BMERB1: variants seen among roughly 807,000 people sequenced by gnomAD.
The protein encoded by BMERB1 is bMERB domain containing 1, also known as bMERB domain-containing protein 1.
Under a neutral mutation model 23.6 loss-of-function variants are expected in BMERB1, and 12 were observed. That is an observed-to-expected ratio of 0.51 (90% CI 0.33 to 0.82). BMERB1 has a LOEUF of 0.82. Among genes scored for constraint, BMERB1 ranks in the 40% least tolerant of loss-of-function variants. The pLI, the probability that BMERB1 is intolerant of heterozygous loss-of-function variation, is 0.03. For synonymous variants in BMERB1, 122 were observed against 96.6 expected, an observed-to-expected ratio of 1.26 and a Z score of -1.54; for missense variants, 247 against 255.4, an observed-to-expected ratio of 0.97 and a Z score of 0.22.
chr16:15,444,123 G>GTTGTTTTTTTTTTTTTTTTTT (rs2050966446), intron 1 of BMERB1, among the ~76,000 whole-genome samples: 1 of 35,610 alleles, frequency 2.8e-5, no homozygotes, highest in Admixed American at 4.9e-4. Context: ...CACCAGCTTT[G>GTTGTTTTTTTTTTTTTTTTTT]TTTTTTTTTT....
chr16:15,577,132 A>G (rs893542824), intron 3 of BMERB1: 4 of 152,104 alleles, frequency 2.6e-5, no homozygotes, highest in Non-Finnish European at 4.4e-5. Flanking sequence ...TACTGTACAC[A>G]TGGCTGGCAA....
chr16:15,564,096 C>G (rs2030501464), intron 2 of BMERB1, among the ~76,000 whole-genome samples: 1 of 152,202 alleles, frequency 6.6e-6, no homozygotes, highest in South Asian at 2.1e-4. Flanking sequence ...ATGAATGTAG[C>G]CAGCCTGAGG....
chr16:15,477,389 A>G (rs2051283467), intron 1 of BMERB1, among the ~76,000 whole-genome samples: 1 of 152,114 alleles, frequency 6.6e-6, no homozygotes. Context: ...GGATTATGGG[A>G]ATTACAATTC....
At chr16:15,498,638 G>GAGGA (rs1299915179) in intron 1 of BMERB1, among the ~76,000 whole-genome samples, 3 of 151,252 alleles carry the variant, frequency 2.0e-5, no homozygotes, top group South Asian at 2.1e-4. Context: ...AAGGAAGAAA[G>GAGGA]AGGAAGGAAG....
rs747156942 is a variant in BMERB1 at position 15,586,830 on chromosome 16, C to T, written c.*1C>T. ...GGCCACCCAGTGCAACATCATGTAG[C>T]CCCCACGTGGGGTGCCCTGGGCCAT... On this transcript the variant is annotated 3_prime_UTR_variant, in exon 6 of 6. Coordinates refer to ENST00000300006, the MANE Select transcript of BMERB1 (RefSeq NM_033201.3). 3.1e-6 allele frequency: 5 copies of T among 1,594,192 alleles called. No individual in the cohort carries two copies. The South Asian group carries it at 4.5e-5, about 14-fold the overall frequency.
At chr16:15,495,618 G>C (rs755493491) in intron 1 of BMERB1, among the ~76,000 whole-genome samples, 30 of 152,132 alleles carry the variant, frequency 2.0e-4, no homozygotes, top group African/African-American at 7.0e-4. Flanking sequence ...TGCCCACCTC[G>C]GCCTCCCGAA....
In BMERB1 at chr16:15,587,007, G is replaced by A; in HGVS notation, c.*178G>A. 1.7e-6 allele frequency: 1 copy of A among 577,938 alleles called. No homozygotes were observed. The allele number at this position is 577,938 out of a possible 1,614,324, so 35.8% of individuals were successfully genotyped here. ...GCCTGGCCACCCTGTACAGAGTGTA[G>A]CAGTAGGGAGTCTCTCACCGTCGCA... On this transcript the variant is annotated 3_prime_UTR_variant, in exon 6 of 6. Coordinates refer to ENST00000300006, the MANE Select transcript of BMERB1 (RefSeq NM_033201.3).
At chr16:15,500,759 C>T (rs955081714) in intron 1 of BMERB1, among the ~76,000 whole-genome samples, 1 of 152,206 alleles carries the variant, frequency 6.6e-6, no homozygotes, top group Non-Finnish European at 1.5e-5. Flanking sequence ...TCACGTGATC[C>T]TTGTGCCTCA....
intron 1 of BMERB1, among the ~76,000 whole-genome samples, chr16:15,476,808 A>T (rs943209515): frequency 6.6e-6 from 1 of 151,996 alleles, no homozygotes; most frequent in South Asian, 2.1e-4. Flanking sequence ...TGGGTGGGGG[A>T]TACAGGATCA....
intron 2 of BMERB1, among the ~76,000 whole-genome samples, chr16:15,533,418 T>C (rs868068802): frequency 6.7e-6 from 1 of 150,324 alleles, no homozygotes; most frequent in Non-Finnish European, 1.5e-5. Context: ...TTTCCTGAGA[T>C]AGAGTCTATT....
In BMERB1 at chr16:15,480,506, C is replaced by T. The variant is rs556988664; in HGVS notation, c.107-34799C>T. 2.6e-5 allele frequency among the ~76,000 whole-genome samples: 4 copies of T among 152,046 alleles called. No individual in the cohort carries two copies. The South Asian group carries it at 8.3e-4, about 32-fold the overall frequency. On this transcript the variant is annotated intron_variant, in intron 1 of 5. Transcript: ENST00000300006. ...TATCCCTACTAATTTGTAATATAAC[C>T]TCTTGCCATTAGTATGTTTCCATAT...
Position 15,441,858 on chromosome 16 carries a change from A to G in BMERB1, c.106+7099A>G, listed in dbSNP as rs560886402. 2.1e-4 allele frequency among the ~76,000 whole-genome samples: 32 copies of G among 152,260 alleles called. 1 individual carries two copies. The South Asian group carries it at 4.8e-3, about 23-fold the overall frequency. ...TTTAAAGGGTCATGTTGGGTACTAGATGGGGAATAAGTCCATAGCGGGGCA... is the reference window on the plus strand; with the variant it reads ...TTTAAAGGGTCATGTTGGGTACTAGGTGGGGAATAAGTCCATAGCGGGGCA... On this transcript the variant is annotated intron_variant, in intron 1 of 5. Coordinates refer to ENST00000300006, the MANE Select transcript of BMERB1 (RefSeq NM_033201.3).
At chr16:15,497,644 C>T (rs2051486316) in intron 1 of BMERB1, among the ~76,000 whole-genome samples, 1 of 152,204 alleles carries the variant, frequency 6.6e-6, no homozygotes, top group Non-Finnish European at 1.5e-5. Context: ...AACTGAGACA[C>T]AGATTGGCAT....
At chr16:15,496,034 A>T (rs2051469366) in intron 1 of BMERB1, among the ~76,000 whole-genome samples, 1 of 150,870 alleles carries the variant, frequency 6.6e-6, no homozygotes, top group African/African-American at 2.4e-5. Context: ...GTGATGATGA[A>T]AGGGGTGGTA....
chr16:15,530,903 C>CTT lies in BMERB1; in HGVS notation c.230+15495_230+15496dup, dbSNP rs1220558728. Among the ~76,000 whole-genome samples the CTT allele has an allele frequency of 1.4e-3, 152 of 109,218 alleles. 1 individual carries two copies. The highest frequency in any genetic ancestry group is 1.7e-3 in the Non-Finnish European group (92 of 54,950). 71.7% of individuals were successfully genotyped at this position (109,218 alleles called of 152,430 possible). On this transcript the variant is annotated intron_variant, in intron 2 of 5. Transcript: ENST00000300006. Reference sequence around the variant, plus strand: ...GTCAATTAAACCTCTTTTCTTCTTTCTTTTTTTTTTTTTTTTTTTTTGAGA... The same window carrying CTT: ...GTCAATTAAACCTCTTTTCTTCTTTCTTTTTTTTTTTTTTTTTTTTTTTGAGA...
chr16:15,481,797 T>C (rs956935452), intron 1 of BMERB1, among the ~76,000 whole-genome samples: 2 of 151,350 alleles, frequency 1.3e-5, no homozygotes, highest in African/African-American at 2.4e-5. Context: ...TGATCTCGGG[T>C]CACTGCAACC....
chr16:15,479,139 G>A (rs754617241), intron 1 of BMERB1, among the ~76,000 whole-genome samples: 12 of 152,148 alleles, frequency 7.9e-5, no homozygotes, highest in South Asian at 2.1e-4. Context: ...GTTTGTTGCT[G>A]GTGATCAAAC....
intron 2 of BMERB1, among the ~76,000 whole-genome samples, chr16:15,522,110 G>C (rs895502782): frequency 4.6e-5 from 7 of 152,120 alleles, no homozygotes; most frequent in Non-Finnish European, 1.0e-4. Flanking sequence ...CCTCCACATG[G>C]GGCAGGGGTG....
intron 2 of BMERB1, among the ~76,000 whole-genome samples, chr16:15,558,933 C>G (rs967904921): frequency 1.3e-5 from 2 of 151,562 alleles, no homozygotes; most frequent in Admixed American, 6.6e-5. Context: ...GAAGCCTGCC[C>G]AAGCGGAGTT....
Sources: allele counts gnomAD v4.1 joint callset (sites outside exome capture counted in the v4.1 genomes callset), GRCh38; gene constraint gnomAD v4.1.1; transcripts MANE v1.5; gene names NCBI Gene and HGNC (gene_info 2026-07-23, HGNC 2026-07-21).